Variants in CNTNAP1 observed in about 807,000 individuals in gnomAD.
CNTNAP1 encodes the protein contactin associated protein 1.
Under a neutral mutation model 161.5 loss-of-function variants are expected in CNTNAP1, and 80 were observed. That is an observed-to-expected ratio of 0.50 (90% CI 0.41 to 0.60). CNTNAP1 has a LOEUF of 0.60. Among genes scored for constraint, CNTNAP1 ranks in the 20% least tolerant of loss-of-function variants. The probability of loss-of-function intolerance (pLI) is 0.00; values close to 1 mark genes in which losing one functional copy is unlikely to be tolerated. For synonymous variants in CNTNAP1, 695 were observed against 733.1 expected, an observed-to-expected ratio of 0.95 and a Z score of 0.84; for missense variants, 1,464 against 1,854.8, an observed-to-expected ratio of 0.79 and a Z score of 3.87.
chr17:42,683,861 C>A lies in CNTNAP1; in HGVS notation c.108C>A (p.Arg36=). ...AGCTGGTGGGTCCCCTGTATGCACG[C>A]TCCCTGGGCGCCTCCTCCTACTACA... ...DEELVGPLYA[R]SLGASSYYSL... Residue 36 remains arginine, a synonymous_variant, in exon 2 of 24, where the codon CGC becomes CGA. Transcript: ENST00000264638. 6.2e-7 allele frequency: 1 copy of A among 1,613,054 alleles called. No homozygotes were observed.
At position 42,690,215 on chromosome 17, in the gene CNTNAP1, T is replaced by G; in HGVS notation, c.1855+8T>G. 6.2e-7 allele frequency: 1 copy of G among 1,613,664 alleles called. No individual in the cohort carries two copies. The highest frequency in any genetic ancestry group is 8.5e-7 in the Non-Finnish European group (1 of 1,179,802). ...TGTACTGTGATATCCGAGGTAAGTGTCTCTGTTGGGTGGTGAGGGGGTGAG... is the reference window on the plus strand; with the variant it reads ...TGTACTGTGATATCCGAGGTAAGTGGCTCTGTTGGGTGGTGAGGGGGTGAG... On this transcript the variant is annotated splice_region_variant and intron_variant, in intron 12 of 23. Transcript: ENST00000264638.
intron 9 of CNTNAP1, 73 bp from the exon 10 acceptor site, chr17:42,688,803 C>T (rs899571572): frequency 6.3e-7 from 1 of 1,579,582 alleles, no homozygotes; most frequent in Non-Finnish European, 8.6e-7. Context: ...GTCTGGCTCC[C>T]CCTCAGCATG....
At position 42,693,293 on chromosome 17, in the gene CNTNAP1, C is replaced by T. The variant is rs1371907049; in HGVS notation, c.2753-4C>T. 1 of 1,613,874 alleles carries T rather than the reference C, an allele frequency of 6.2e-7. No homozygotes were observed. The highest frequency in any genetic ancestry group is 1.1e-5 in the South Asian group (1 of 91,084). On this transcript the variant is annotated splice_region_variant and splice_polypyrimidine_tract_variant and intron_variant, in intron 17 of 23. Coordinates refer to ENST00000264638, the MANE Select transcript of CNTNAP1 (RefSeq NM_003632.3). ...TTTCTTGACCTGTTGCCTACCCTTC[C>T]CAGGATCTGCAGAGCTTAAGAGACG...
chr17:42,687,057 A>T lies in CNTNAP1; in HGVS notation c.1044+11A>T. 6.2e-7 allele frequency: 1 copy of T among 1,608,146 alleles called. No homozygotes were observed. The highest frequency in any genetic ancestry group is 8.5e-7 in the Non-Finnish European group (1 of 1,175,238). Reference sequence around the variant, plus strand: ...CGGATCACCTTCGAGGCCAGTGGGCAGGGGGGTCTGGGAGGACAGGATATC... The same window carrying T: ...CGGATCACCTTCGAGGCCAGTGGGCTGGGGGGTCTGGGAGGACAGGATATC... On this transcript the variant is annotated intron_variant, in intron 7 of 23. Coordinates refer to ENST00000264638, the MANE Select transcript of CNTNAP1 (RefSeq NM_003632.3). This position sits in a 1 kb window ranked among gnomAD's most constrained non-coding sequence, Gnocchi z 4.7.
chr17:42,698,847 C>T lies in CNTNAP1; in HGVS notation c.4092C>T (p.Ala1364=). The T allele has an allele frequency of 6.3e-7, 1 of 1,595,520 alleles. No individual in the cohort carries two copies. Among genetic ancestry groups the T allele is most frequent in the African/African-American group, 1.3e-5 (1 of 74,684 alleles). The change falls in exon 24 of 24, where the codon GCC becomes GCT. Residue 1364 remains alanine, a synonymous_variant. Coordinates refer to ENST00000264638, the MANE Select transcript of CNTNAP1 (RefSeq NM_003632.3). ...ASAPAPAPTP[A]PAPGPRDQNL... is the part of the protein sequence containing the mutation. ...CCCCAGCCCCAGCCCCAACTCCAGC[C>T]CCAGCCCCTGGCCCCCGGGATCAGA...
chr17:42,693,211 G>T, intron 17 of CNTNAP1, 86 bp from the exon 18 acceptor site: 8 of 1,501,482 alleles, frequency 5.3e-6, no homozygotes, highest in Non-Finnish European at 7.3e-6. Context: ...CGCCCGCCTC[G>T]GCCTCCCAAA....
chr17:42,690,128 G>C lies in CNTNAP1; in HGVS notation c.1776G>C (p.Gly592=). Residue 592 remains glycine, a synonymous_variant, in exon 12 of 24, where the codon GGG becomes GGC. Coordinates refer to ENST00000264638, the MANE Select transcript of CNTNAP1 (RefSeq NM_003632.3). ...CCTGTGAGGCTTATCGGCTCAGTGGGAAAACTTCTGGAAACTTCACCATTG... is the reference window on the plus strand; with the variant it reads ...CCTGTGAGGCTTATCGGCTCAGTGGCAAAACTTCTGGAAACTTCACCATTG... ...KESCEAYRLS[G]KTSGNFTIDP... The C allele has an allele frequency of 1.2e-6, 2 of 1,614,074 alleles. No individual in the cohort carries two copies. The highest frequency in any genetic ancestry group is 1.7e-6 in the Non-Finnish European group (2 of 1,179,974).
rs909934631 is a variant in CNTNAP1, at chr17:42,685,032, T to C, written c.405T>C (p.His135=). 6.3e-7 allele frequency: 1 copy of C among 1,595,174 alleles called. No individual in the cohort carries two copies. The highest frequency in any genetic ancestry group is 8.5e-7 in the Non-Finnish European group (1 of 1,173,034). The part of the protein sequence containing the change: ...GNVNESAVVR[H]DLHFHFTARY... ...TGAACGAGTCGGCGGTGGTGCGCCA[T>C]GACCTGCACTTCCACTTCACTGCGC... is the stretch of plus-strand genomic sequence containing the variant. The change falls in exon 4 of 24, where the codon CAT becomes CAC. Residue 135 remains histidine, a synonymous_variant. Transcript: ENST00000264638. The surrounding 1 kb of genome is among the most constrained non-coding windows in gnomAD (Gnocchi z 5.0).
In CNTNAP1 at chr17:42,684,248, C is replaced by T; in HGVS notation, c.363+19C>T. The T allele has an allele frequency of 6.2e-7, 1 of 1,603,602 alleles. No homozygotes were observed. The highest frequency in any genetic ancestry group is 8.5e-7 in the Non-Finnish European group (1 of 1,173,534). ...CAACTCGGTACTCTGGGCGCCAAGG[C>T]GGTAACACTTGGGGAGCTTCCTCTG... On this transcript the variant is annotated intron_variant, in intron 3 of 23. Transcript: ENST00000264638.
Position 42,686,817 on chromosome 17 carries a change from A to C in CNTNAP1, c.901-86A>C. 8 of 1,456,492 alleles carry C rather than the reference A, an allele frequency of 5.5e-6. No individual in the cohort carries two copies. In the South Asian group the frequency reaches 9.2e-5, roughly 17 times the overall value. 90.2% of individuals were successfully genotyped at this position (1,456,492 alleles called of 1,614,324 possible). A position where few individuals can be genotyped will look rare whatever the true frequency, so the allele number is the denominator to read the frequency against. Reference sequence around the variant, plus strand: ...AGTCTTTTACAAAACCCCATCTGGCATTTGGGAAAGCATACGGCGGGGACG... The same window carrying C: ...AGTCTTTTACAAAACCCCATCTGGCCTTTGGGAAAGCATACGGCGGGGACG... On this transcript the variant is annotated intron_variant, in intron 6 of 23. Coordinates refer to ENST00000264638, the MANE Select transcript of CNTNAP1 (RefSeq NM_003632.3).
chr17:42,698,820 A>T lies in CNTNAP1; in HGVS notation c.4065A>T (p.Ser1355=). ...PTAAPNQAPA[S]APAPAPTPAP... is the part of the protein sequence containing the mutation. The stretch of plus-strand genomic sequence containing the variant: ...CAGCTCCCAACCAAGCTCCAGCCTC[A>T]GCCCCAGCCCCAGCCCCAACTCCAG... The change falls in exon 24 of 24, where the codon TCA becomes TCT. Residue 1355 remains serine, a synonymous_variant. Transcript: ENST00000264638. 6.2e-7 allele frequency: 1 copy of T among 1,601,464 alleles called. No homozygotes were observed. The highest frequency in any genetic ancestry group is 8.5e-7 in the Non-Finnish European group (1 of 1,178,452).
chr17:42,684,454 T>C (rs568673576), intron 3 of CNTNAP1, among the ~76,000 whole-genome samples: 2 of 152,258 alleles, frequency 1.3e-5, no homozygotes, highest in African/African-American at 4.8e-5. Context: ...CTGGGAGAGC[T>C]TCCTAAGGAG....
rs747092658 is a variant in CNTNAP1, at chr17:42,691,866, G to A, written c.2405G>A (p.Arg802His). ...GCTGCACTACGCTTCCCCCCAATCC[G>A]TGCCAACCACAGCCTGGATGTCTCC... ...TGAALRFPPI[R>H]ANHSLDVSFY... Residue 802 changes from arginine (R) to histidine (H), a missense_variant, in exon 16 of 24, where the codon CGT becomes CAT. Transcript: ENST00000264638. This position sits in a 1 kb window ranked among gnomAD's most constrained non-coding sequence, Gnocchi z 4.3. 3.4e-5 allele frequency: 55 copies of A among 1,613,986 alleles called. No homozygotes were observed. In the East Asian group the frequency reaches 4.2e-4, roughly 12 times the overall value.
chr17:42,686,469 GTT>G (rs748366958), intron 6 of CNTNAP1, among the ~76,000 whole-genome samples: 747 of 71,224 alleles, frequency 0.01, 9 homozygotes, highest in African/African-American at 0.041. Context: ...AAAAAGGCCT[GTT>G]TTTTTTTTTT....
rs778961637 is a variant in CNTNAP1 at position 42,687,957 on chromosome 17, C to T, written c.1282C>T (p.Arg428Ter). 1.9e-6 allele frequency: 3 copies of T among 1,613,198 alleles called. No individual in the cohort carries two copies. Among genetic ancestry groups the T allele is most frequent in the South Asian group, 1.1e-5 (1 of 91,050 alleles). ...CAACGTGTCCATCGCGCAGAGCGGC[C>T]GAAAGAAGCTTCAGTTCGCTGCTGG... ...QVNVSIAQSG[R>*]KKLQFAAGYR... is the part of the protein sequence containing the mutation. Residue 428 changes from arginine (R) to a stop codon, truncating the protein, a stop_gained, in exon 8 of 24, where the codon CGA (arginine) becomes TGA (stop). Coordinates refer to ENST00000264638, the MANE Select transcript of CNTNAP1 (RefSeq NM_003632.3). LOFTEE classifies it high-confidence loss of function. The surrounding 1 kb of genome is among the most constrained non-coding windows in gnomAD (Gnocchi z 4.7).
In CNTNAP1 at chr17:42,682,703, A is replaced by C. The variant is rs2052950428; in HGVS notation, c.-127A>C. On this transcript the variant is annotated 5_prime_UTR_variant, in exon 1 of 24. Transcript: ENST00000264638. The stretch of plus-strand genomic sequence containing the variant: ...GGGGGCGAAAGGAGAGAGGGAGGGA[A>C]GGGTGGGTAAGGAGGAGAGAGCGGT... 11 of 811,898 alleles carry C rather than the reference A, an allele frequency of 1.4e-5. No individual in the cohort carries two copies. Among genetic ancestry groups the C allele is most frequent in the South Asian group, 1.5e-5 (1 of 66,338 alleles). 50.3% of individuals were successfully genotyped at this position (811,898 alleles called of 1,614,324 possible). A position where few individuals can be genotyped will look rare whatever the true frequency, so the allele number is the denominator to read the frequency against.
At position 42,698,800 on chromosome 17, in the gene CNTNAP1, C is replaced by A. The variant is rs2053187573; in HGVS notation, c.4045C>A (p.Pro1349Thr). Residue 1349 changes from proline (P) to threonine (T), a missense_variant, in exon 24 of 24, where the codon CCC becomes ACC. Pro to Thr is a conservative substitution (Grantham distance 38). Around this residue, in one of 3 missense-constraint regions of CNTNAP1, gnomAD observed 1,383 missense variants for 1,765.0 expected, o/e 0.78. Coordinates refer to ENST00000264638, the MANE Select transcript of CNTNAP1 (RefSeq NM_003632.3). Reference protein sequence around the residue: ...PAQVPTPTAAPNQAPASAPAP... With the variant: ...PAQVPTPTAATNQAPASAPAP... ...CCAGGTCCCCACCCCTACAGCAGCTCCCAACCAAGCTCCAGCCTCAGCCCC... is the reference window on the plus strand; with the variant it reads ...CCAGGTCCCCACCCCTACAGCAGCTACCAACCAAGCTCCAGCCTCAGCCCC... 1 of 1,609,836 alleles carries A rather than the reference C, an allele frequency of 6.2e-7. No individual in the cohort carries two copies. The highest frequency in any genetic ancestry group is 8.5e-7 in the Non-Finnish European group (1 of 1,179,786).
rs769767609 is a variant in CNTNAP1, at chr17:42,686,035, A to G, written c.794A>G (p.Tyr265Cys). The change falls in exon 6 of 24, where the codon TAT (tyrosine) becomes TGT (cysteine). Residue 265 changes from tyrosine to cysteine, a missense_variant. Around this residue, in one of 3 missense-constraint regions of CNTNAP1, gnomAD observed 1,383 missense variants for 1,765.0 expected, o/e 0.78. Coordinates refer to ENST00000264638, the MANE Select transcript of CNTNAP1 (RefSeq NM_003632.3). The stretch of plus-strand genomic sequence containing the variant: ...GTCCTCAATGACCAGCACTGGCACT[A>G]TGTGCGGGTGGACCGATTTGGCCGC... The part of the protein sequence containing the change: ...GGVLNDQHWH[Y>C]VRVDRFGRDV... 6.2e-7 allele frequency: 1 copy of G among 1,614,016 alleles called. No individual in the cohort carries two copies. Among genetic ancestry groups the G allele is most frequent in the Non-Finnish European group, 8.5e-7 (1 of 1,179,982 alleles).
Position 42,699,977 on chromosome 17 carries a change from A to C in CNTNAP1, c.*1067A>C, listed in dbSNP as rs945800396. Among the ~76,000 whole-genome samples the C allele has an allele frequency of 6.6e-6, 1 of 152,200 alleles. No homozygotes were observed. Among genetic ancestry groups the C allele is most frequent in the African/African-American group, 2.4e-5 (1 of 41,454 alleles). On this transcript the variant is annotated 3_prime_UTR_variant, in exon 24 of 24. Transcript: ENST00000264638. ...AGACGCGGAGCCGTTCCAATAAAGC[A>C]GAGTGGCAGAGCCCCAGTCTGTGTG...
Sources: allele counts gnomAD v4.1 joint callset (sites outside exome capture counted in the v4.1 genomes callset), GRCh38; gene constraint gnomAD v4.1.1; regional missense constraint gnomAD v4.1.1; non-coding constraint Gnocchi (gnomAD v3.1); transcripts MANE v1.5; gene names NCBI Gene and HGNC (gene_info 2026-07-23, HGNC 2026-07-21).